EAF2: variants seen among roughly 807,000 people sequenced by gnomAD.
EAF2 encodes ELL associated factor 2, also known as ELL-associated factor 2.
A neutral mutation model predicts 29.4 loss-of-function variants in EAF2; 29 were observed. The observed-to-expected ratio is 0.99, with a 90% CI of 0.73 to 1.35. The LOEUF (loss-of-function observed/expected upper bound fraction) is 1.35, where lower values mean the gene tolerates loss of function less well. Ranked by LOEUF, EAF2 falls within the 40% of genes most tolerant of loss-of-function variation. The pLI, the probability that EAF2 is intolerant of heterozygous loss-of-function variation, is 0.00. For synonymous variants in EAF2, 103 were observed against 102.5 expected (o/e 1.00, Z -0.03); for missense variants, 292 against 312.0 (o/e 0.94, Z 0.48).
chr3:121,838,243 A>G (rs1708340903), intron 1 of EAF2, among the ~76,000 whole-genome samples: 1 of 152,220 alleles, frequency 6.6e-6, no homozygotes, highest in Non-Finnish European at 1.5e-5. Context: ...AATTGCATAG[A>G]TGAAAGAAAT....
At chr3:121,859,985 C>T (rs1461448107) in intron 4 of EAF2, among the ~76,000 whole-genome samples, 1 of 152,102 alleles carries the variant, frequency 6.6e-6, no homozygotes, top group Non-Finnish European at 1.5e-5. Flanking sequence ...TATTGATTGG[C>T]ATATGTTGAA....
chr3:121,874,338 T>C lies in EAF2; in HGVS notation c.736+1550T>C, dbSNP rs952468752. ...AAGATACTTTGAATTTCCAGTTATT[T>C]AGTGTTATTCTTGACTTGGGAAGTA... On this transcript the variant is annotated intron_variant, in intron 5 of 5. Transcript: ENST00000273668. 3.3e-5 allele frequency among the ~76,000 whole-genome samples: 5 copies of C among 151,872 alleles called. No homozygotes were observed. The South Asian group carries it at 1.0e-3, about 31-fold the overall frequency.
chr3:121,885,148 A>G lies in EAF2; in HGVS notation c.737-1194A>G, dbSNP rs1709262561. ...CCTCTGGTGTTTCTCATCTCAGTAA[A>G]TGATAACTCAGTAAATGATTTATCC... On this transcript the variant is annotated intron_variant, in intron 5 of 5. Transcript: ENST00000273668. Among the ~76,000 whole-genome samples, 3 of 152,346 alleles carry G rather than the reference A, an allele frequency of 2.0e-5. No homozygotes were observed. In the East Asian group the frequency reaches 5.8e-4, roughly 29 times the overall value.
At chr3:121,850,305 C>A (rs1414441877) in intron 2 of EAF2, among the ~76,000 whole-genome samples, 1 of 150,382 alleles carries the variant, frequency 6.6e-6, no homozygotes, top group Non-Finnish European at 1.5e-5. Flanking sequence ...TTTTACCAAC[C>A]ATTTCTTTTT....
At chr3:121,855,961 G>A (rs1486407618) in intron 3 of EAF2, among the ~76,000 whole-genome samples, 1 of 152,140 alleles carries the variant, frequency 6.6e-6, no homozygotes, top group Non-Finnish European at 1.5e-5. Flanking sequence ...AACAATGTAG[G>A]AATCAGAAAA....
chr3:121,871,186 T>A (rs1324207557), intron 4 of EAF2, among the ~76,000 whole-genome samples: 1 of 151,414 alleles, frequency 6.6e-6, no homozygotes, highest in Non-Finnish European at 1.5e-5. Flanking sequence ...TATAATATAA[T>A]ATAATATCAT....
rs779417902 is a variant in EAF2, at chr3:121,835,243, T to A, written c.-43T>A. 1.3e-6 allele frequency: 2 copies of A among 1,588,288 alleles called. No individual in the cohort carries two copies. The highest frequency in any genetic ancestry group is 3.3e-5 in the Admixed American group (2 of 59,898). On this transcript the variant is annotated 5_prime_UTR_variant, in exon 1 of 6. Transcript: ENST00000273668. ...TGCTTCAGGCTGAGGTGGCAGATAG[T>A]GAGCGCTGGTGGCGGAGTTAAAGTC...
intron 3 of EAF2, among the ~76,000 whole-genome samples, chr3:121,855,491 G>A (rs1576644271): frequency 6.6e-6 from 1 of 152,152 alleles, no homozygotes. Flanking sequence ...TTGGGTGCTT[G>A]TTAAAAATTA....
intron 3 of EAF2, 71 bp downstream of exon 3, chr3:121,854,894 T>A: frequency 7.6e-7 from 1 of 1,320,220 alleles, no homozygotes; most frequent in Non-Finnish European, 1.0e-6. Flanking sequence ...AAAAATTTAT[T>A]AAGTCACATT....
In EAF2 at chr3:121,854,842, T is replaced by C; in HGVS notation, c.338+19T>C. 1 of 1,521,180 alleles carries C rather than the reference T, an allele frequency of 6.6e-7. No individual in the cohort carries two copies. The highest frequency in any genetic ancestry group is 8.7e-7 in the Non-Finnish European group (1 of 1,143,190). The allele number at this position is 1,521,180 out of a possible 1,614,324, so 94.2% of individuals were successfully genotyped here. On this transcript the variant is annotated intron_variant, in intron 3 of 5. Coordinates refer to ENST00000273668, the MANE Select transcript of EAF2 (RefSeq NM_018456.6). ...AAACAAGGTATGTGGTTTAATGAAA[T>C]AAATTATATTATAAACATAAATTTC...
intron 4 of EAF2, among the ~76,000 whole-genome samples, chr3:121,867,996 C>T (rs551115069): frequency 3.5e-4 from 54 of 152,188 alleles, no homozygotes; most frequent in African/African-American, 1.3e-3. Context: ...AAGTAACCCA[C>T]AGAAAGGCAA....
chr3:121,842,117 G>A (rs1415039906), intron 1 of EAF2, among the ~76,000 whole-genome samples: 1 of 152,128 alleles, frequency 6.6e-6, no homozygotes, highest in Non-Finnish European at 1.5e-5. Flanking sequence ...CCGGAAGGCA[G>A]AGGTTGCAGT....
intron 4 of EAF2, among the ~76,000 whole-genome samples, chr3:121,863,091 T>A (rs1327919994): frequency 6.6e-6 from 1 of 152,052 alleles, no homozygotes; most frequent in Non-Finnish European, 1.5e-5. Context: ...CTGTATGAGG[T>A]GTCAGTCAGC....
chr3:121,835,240 T>C lies in EAF2; in HGVS notation c.-46T>C, dbSNP rs755459245. On this transcript the variant is annotated 5_prime_UTR_variant, in exon 1 of 6. Transcript: ENST00000273668. ...AGCTGCTTCAGGCTGAGGTGGCAGA[T>C]AGTGAGCGCTGGTGGCGGAGTTAAA... The C allele has an allele frequency of 1.3e-6, 2 of 1,577,464 alleles. No homozygotes were observed. Among genetic ancestry groups the C allele is most frequent in the African/African-American group, 1.3e-5 (1 of 74,366 alleles).
chr3:121,855,084 C>T (rs41271411), intron 3 of EAF2, among the ~76,000 whole-genome samples: 15,388 of 152,056 alleles, frequency 0.1, 821 homozygotes, highest in South Asian at 0.16. Flanking sequence ...ATTGTAGATA[C>T]TTCTGTATAA....
chr3:121,853,779 G>T (rs1708672179), intron 2 of EAF2, among the ~76,000 whole-genome samples: 1 of 152,078 alleles, frequency 6.6e-6, no homozygotes, highest in African/African-American at 2.4e-5. Flanking sequence ...CAGATTCTTT[G>T]GGGTTTGATA....
chr3:121,848,979 A>C (rs773795133), intron 2 of EAF2, among the ~76,000 whole-genome samples: 4 of 152,212 alleles, frequency 2.6e-5, no homozygotes, highest in Non-Finnish European at 5.9e-5. Context: ...TTGAACAATC[A>C]TGAATAACAA....
intron 4 of EAF2, among the ~76,000 whole-genome samples, chr3:121,865,611 G>T (rs1477899557): frequency 2.6e-5 from 4 of 152,110 alleles, no homozygotes; most frequent in Non-Finnish European, 5.9e-5. Context: ...GGAGGCCGAG[G>T]TGGGAGGATC....
At chr3:121,871,193 T>G (rs1415372415) in intron 4 of EAF2, among the ~76,000 whole-genome samples, 1 of 151,490 alleles carries the variant, frequency 6.6e-6, no homozygotes, top group East Asian at 1.9e-4. Flanking sequence ...TAATATAATA[T>G]CATAGCAGTA....
Sources: gnomAD v4.1 joint callset for allele counts (sites outside exome capture counted in the v4.1 genomes callset) on GRCh38, gnomAD v4.1.1 for gene constraint, MANE v1.5 for transcripts, NCBI Gene and HGNC (gene_info 2026-07-23, HGNC 2026-07-21) for gene names.